The following RRP9 variants were observed in gnomAD, a reference collection of about 807,000 sequenced individuals.
The protein encoded by RRP9 is U3 small nucleolar RNA-interacting protein 2.
RRP9 carries 35 observed loss-of-function variants against 65.5 expected under a neutral mutation model. The ratio of observed to expected loss-of-function variants is 0.53; its 90% CI spans 0.41 to 0.71. RRP9 has a LOEUF of 0.71. RRP9 is among the 30% of genes least tolerant of loss of function. The pLI is 0.00. For synonymous variants in RRP9, 254 were observed against 245.0 expected (o/e 1.04, Z -0.34); for missense variants, 533 against 633.6 (o/e 0.84, Z 1.70).
Position 51,937,062 on chromosome 3 carries a change from T to C in RRP9, c.517+130A>G. ...TTCACTGTCACCCAGAGAGCACTCC[T>C]AGGGCAGCAAACCTGCCTCCAGAGA... is the stretch of plus-strand genomic sequence containing the variant. On this transcript the variant is annotated intron_variant, in intron 6 of 14. Coordinates refer to ENST00000232888, the MANE Select transcript of RRP9 (RefSeq NM_004704.5). The surrounding 1 kb of genome is among the most constrained non-coding windows in gnomAD (Gnocchi z 5.0). 1 of 1,175,990 alleles carries C rather than the reference T, an allele frequency of 8.5e-7. No homozygotes were observed. Among genetic ancestry groups the C allele is most frequent in the Non-Finnish European group, 1.2e-6 (1 of 819,888 alleles). The allele number at this position is 1,175,990 out of a possible 1,614,324, so 72.8% of individuals were successfully genotyped here. A position where few individuals can be genotyped will look rare whatever the true frequency, so the allele number is the denominator to read the frequency against.
chr3:51,937,223 G>A lies in RRP9; in HGVS notation c.486C>T (p.Phe162=), dbSNP rs1699468728. 6.2e-7 allele frequency: 1 copy of A among 1,613,952 alleles called. No individual in the cohort carries two copies. The highest frequency in any genetic ancestry group is 8.5e-7 in the Non-Finnish European group (1 of 1,179,910). ...LVVTPDDSAI[F]SAAKDCSIIK... is the part of the protein sequence containing the mutation. ...TGATGCTGCAGTCTTTGGCAGCAGAGAAGATGGCTGAGTCATCGGGGGTGA... is the reference window on the plus strand; with the variant it reads ...TGATGCTGCAGTCTTTGGCAGCAGAAAAGATGGCTGAGTCATCGGGGGTGA... The change falls in exon 6 of 15, where the codon TTC becomes TTT. Residue 162 remains phenylalanine, a synonymous_variant. Transcript: ENST00000232888. The surrounding 1 kb of genome is among the most constrained non-coding windows in gnomAD (Gnocchi z 5.0).
chr3:51,935,530 C>T (rs1447706135), intron 9 of RRP9, 54 bp from the exon 10 acceptor site: 33 of 1,613,634 alleles, frequency 2.0e-5, no homozygotes, highest in Middle Eastern at 1.6e-4. Context: ...CATGAACTCA[C>T]GGGCACACAC....
chr3:51,936,734 A>G (rs1699463929), intron 6 of RRP9, among the ~76,000 whole-genome samples, 179 bp from the exon 7 acceptor site: 1 of 152,206 alleles, frequency 6.6e-6, no homozygotes, highest in African/African-American at 2.4e-5. Flanking sequence ...ATCTATGAAG[A>G]GGGACATTAG....
At position 51,937,684 on chromosome 3, in the gene RRP9, G is replaced by A; in HGVS notation, c.333C>T (p.Arg111=). The change falls in exon 4 of 15, where the codon CGC becomes CGT. Residue 111 remains arginine, a synonymous_variant. Transcript: ENST00000232888. The surrounding 1 kb of genome is among the most constrained non-coding windows in gnomAD (Gnocchi z 5.0). ...CCACACTTACCACATCCTCCTTCAGGCGCCCCGCCACCTGGTCCTCCTCAA... is the reference window on the plus strand; with the variant it reads ...CCACACTTACCACATCCTCCTTCAGACGCCCCGCCACCTGGTCCTCCTCAA... ...RAFEEDQVAG[R]LKEDVLEQRG... 2 of 1,614,026 alleles carry A rather than the reference G, an allele frequency of 1.2e-6. No individual in the cohort carries two copies. Among genetic ancestry groups the A allele is most frequent in the Non-Finnish European group, 8.5e-7 (1 of 1,180,010 alleles).
At chr3:51,940,739 C>T (rs894330901) in intron 2 of RRP9, among the ~76,000 whole-genome samples, 6 of 152,102 alleles carry the variant, frequency 3.9e-5, no homozygotes, top group African/African-American at 1.2e-4. Flanking sequence ...TCTCAAACTC[C>T]TGACATCAAG....
At chr3:51,938,728 G>C (rs1699484908) in intron 2 of RRP9, among the ~76,000 whole-genome samples, 1 of 152,130 alleles carries the variant, frequency 6.6e-6, no homozygotes, top group Non-Finnish European at 1.5e-5. Flanking sequence ...CCAAACAAGA[G>C]GGTAAACTGG....
At chr3:51,936,807 G>C (rs761253288) in intron 6 of RRP9, among the ~76,000 whole-genome samples, 25 of 152,190 alleles carry the variant, frequency 1.6e-4, no homozygotes, top group Non-Finnish European at 3.7e-4. Flanking sequence ...TGGGATTGAT[G>C]GTGTGAGTTC....
rs915998759 is a variant in RRP9, at chr3:51,935,362, C to A, written c.951G>T (p.Gln317His). 2.5e-6 allele frequency: 4 copies of A among 1,614,044 alleles called. No individual in the cohort carries two copies. The highest frequency in any genetic ancestry group is 1.3e-5 in the African/African-American group (1 of 74,940). ...CTTACTGGTGGCCATAGAAGACAAG[C>A]TGGGACTCCTCGGGGATCTTCCACA... The part of the protein sequence containing the change: ...VRVWKIPEES[Q>H]LVFYGHQGSI... Residue 317 changes from glutamine to histidine, a missense_variant, in exon 10 of 15, where the codon CAG (glutamine) becomes CAT (histidine). Coordinates refer to ENST00000232888, the MANE Select transcript of RRP9 (RefSeq NM_004704.5).
chr3:51,937,332 G>A lies in RRP9; in HGVS notation c.391-14C>T. 2 of 1,613,978 alleles carry A rather than the reference G, an allele frequency of 1.2e-6. No individual in the cohort carries two copies. The highest frequency in any genetic ancestry group is 8.5e-7 in the Non-Finnish European group (1 of 1,180,008). ...TGGGGCCTGGATCTGGGCAGACAGG[G>A]GCCAGGTCACTGTGGCTAGTGGCAT... On this transcript the variant is annotated splice_polypyrimidine_tract_variant and intron_variant, in intron 5 of 14. Transcript: ENST00000232888. This position sits in a 1 kb window ranked among gnomAD's most constrained non-coding sequence, Gnocchi z 5.0.
chr3:51,935,498 G>C, intron 9 of RRP9, 22 bp from the exon 10 acceptor site: 1 of 1,614,040 alleles, frequency 6.2e-7, no homozygotes, highest in Middle Eastern at 1.6e-4. Flanking sequence ...GGCAGAGCAG[G>C]ATAGTGGGGA....
At chr3:51,936,186 A>C (rs1355762941) in intron 8 of RRP9, 71 bp downstream of exon 8, 1 of 1,424,300 alleles carries the variant, frequency 7.0e-7, no homozygotes, top group African/African-American at 1.4e-5. Context: ...GAGACTCCAG[A>C]GGCCAGCACT....
rs376861276 is a variant in RRP9 at position 51,936,270 on chromosome 3, C to A, written c.722G>T (p.Arg241Leu). The A allele has an allele frequency of 5.4e-5, 87 of 1,614,140 alleles. 1 individual carries two copies. The South Asian group carries it at 8.5e-4, about 16-fold the overall frequency. The change falls in exon 8 of 15, where the codon CGG becomes CTG. Residue 241 changes from arginine to leucine, a missense_variant. Physicochemically the swap from Arg to Leu is moderately radical, Grantham distance 102. This residue lies in a region of RRP9 where 449 missense variants were observed against 550.6 expected (regional missense o/e 0.82). Coordinates refer to ENST00000232888, the MANE Select transcript of RRP9 (RefSeq NM_004704.5). ...CQHLYTFTGH[R>L]DAVSGLAFRR... ...CCAGCTCCTCACCGACACTGCATCC[C>A]GGTGTCCTGTGAAGGTGTACAAGTG...
chr3:51,935,124 A>G, intron 11 of RRP9, 73 bp downstream of exon 11: 4 of 1,523,066 alleles, frequency 2.6e-6, no homozygotes, highest in Non-Finnish European at 3.6e-6. Flanking sequence ...CCCTGAGGCA[A>G]GCTCAGGGCC....
intron 1 of RRP9, 46 bp from the exon 2 acceptor site, chr3:51,941,537 C>T (rs1699531151): frequency 1.3e-6 from 2 of 1,545,288 alleles, no homozygotes; most frequent in Admixed American, 1.7e-5. Context: ...CCAGACCACC[C>T]TGGCATTGAC....
rs1699468464 is a variant in RRP9 at position 51,937,185 on chromosome 3, C to T, written c.517+7G>A. The T allele has an allele frequency of 6.2e-7, 1 of 1,612,634 alleles. No homozygotes were observed. Among genetic ancestry groups the T allele is most frequent in the South Asian group, 1.1e-5 (1 of 90,984 alleles). ...GGGGCTCCAGCCCCACCCAGGCACTCACTCACACTTAATGATGCTGCAGTC... is the reference window on the plus strand; with the variant it reads ...GGGGCTCCAGCCCCACCCAGGCACTTACTCACACTTAATGATGCTGCAGTC... On this transcript the variant is annotated splice_region_variant and intron_variant, in intron 6 of 14. Coordinates refer to ENST00000232888, the MANE Select transcript of RRP9 (RefSeq NM_004704.5). The surrounding 1 kb of genome is among the most constrained non-coding windows in gnomAD (Gnocchi z 5.0).
In RRP9 at chr3:51,933,784, G is replaced by A. The variant is rs771984194; in HGVS notation, c.1261-3C>T. On this transcript the variant is annotated splice_polypyrimidine_tract_variant and splice_region_variant and intron_variant, in intron 13 of 14. Coordinates refer to ENST00000232888, the MANE Select transcript of RRP9 (RefSeq NM_004704.5). ...TTGAGGCTGTTGATAAAACCCACCT[G>A]AGCAGAAAGACAACACGGAAAGACA... The A allele has an allele frequency of 3.7e-6, 6 of 1,613,852 alleles. No homozygotes were observed. Among genetic ancestry groups the A allele is most frequent in the Admixed American group, 3.3e-5 (2 of 59,996 alleles).
At chr3:51,935,497 G>C in intron 9 of RRP9, 21 bp from the exon 10 acceptor site, 1 of 1,614,088 alleles carries the variant, frequency 6.2e-7, no homozygotes, top group Non-Finnish European at 8.5e-7. Context: ...GGGCAGAGCA[G>C]GATAGTGGGG....
chr3:51,939,035 G>A (rs1464316533), intron 2 of RRP9, among the ~76,000 whole-genome samples: 6 of 152,160 alleles, frequency 3.9e-5, no homozygotes, highest in Non-Finnish European at 7.3e-5. Flanking sequence ...GTGCTGCTTT[G>A]ACCTGCTCCT....
chr3:51,939,907 A>G (rs995852375), intron 2 of RRP9, among the ~76,000 whole-genome samples: 1 of 152,200 alleles, frequency 6.6e-6, no homozygotes, highest in Non-Finnish European at 1.5e-5. Context: ...ATTTAAAAGC[A>G]CTTAGCCCAC....
Sources: allele counts gnomAD v4.1 joint callset (sites outside exome capture counted in the v4.1 genomes callset), GRCh38; gene constraint gnomAD v4.1.1; regional missense constraint gnomAD v4.1.1; non-coding constraint Gnocchi (gnomAD v3.1); transcripts MANE v1.5; gene names NCBI Gene and HGNC (gene_info 2026-07-23, HGNC 2026-07-21).